Variants in KIAA1549 observed in about 807,000 individuals in gnomAD.
KIAA1549 encodes KIAA1549.
KIAA1549 carries 70 observed loss-of-function variants against 156.4 expected under a neutral mutation model. That is an observed-to-expected ratio of 0.45 (90% CI 0.37 to 0.55). The LOEUF is 0.55. KIAA1549 is among the 20% of genes least tolerant of loss of function. KIAA1549 has a pLI of 0.00. For synonymous variants in KIAA1549, 1,103 were observed against 1,066.4 expected (o/e 1.03, Z -0.67); for missense variants, 2,428 against 2,540.9 (o/e 0.96, Z 0.96).
At position 138,832,177 on chromosome 7, in the gene KIAA1549, C is replaced by A. The variant is rs148605725; in HGVS notation, c.*5729G>T. 1 of 192,024 alleles carries A rather than the reference C, an allele frequency of 5.2e-6. No individual in the cohort carries two copies. The highest frequency in any genetic ancestry group is 1.0e-5 in the Non-Finnish European group (1 of 95,794). The allele number at this position is 192,024 out of a possible 1,614,324, so 11.9% of individuals were successfully genotyped here. A position where few individuals can be genotyped will look rare whatever the true frequency, so the allele number is the denominator to read the frequency against. ...AGTCACTCAAAATTTCACCTCTGTC[C>A]CTTTTACCTATTCCTTTTTTTTTTT... On this transcript the variant is annotated 3_prime_UTR_variant, in exon 20 of 20. Transcript: ENST00000422774.
chr7:138,875,907 C>T (rs1198699748), intron 12 of KIAA1549, among the ~76,000 whole-genome samples: 2 of 151,810 alleles, frequency 1.3e-5, no homozygotes, highest in African/African-American at 2.4e-5. Context: ...GCGATCCTCC[C>T]ACCTCAGCCT....
At chr7:138,841,788 C>T (rs1054254388) in intron 18 of KIAA1549, among the ~76,000 whole-genome samples, 21 of 151,782 alleles carry the variant, frequency 1.4e-4, no homozygotes, top group African/African-American at 4.8e-4. Flanking sequence ...GTCTTGAACT[C>T]TTCCTAGCCT....
At position 138,838,063 on chromosome 7, in the gene KIAA1549, G is replaced by A. The variant is rs753733416; in HGVS notation, c.5696C>T (p.Pro1899Leu). 6.3e-7 allele frequency: 1 copy of A among 1,596,360 alleles called. No individual in the cohort carries two copies. Among genetic ancestry groups the A allele is most frequent in the South Asian group, 1.1e-5 (1 of 88,024 alleles). The change falls in exon 20 of 20, where the codon CCC (proline) becomes CTC (leucine). Residue 1899 changes from proline to leucine, a missense_variant. Transcript: ENST00000422774. ...REPSAPSGNL[P>L]HRGLQGPGLG... ...CCCAGGGCCCTGCAGTCCCCGGTGG[G>A]GGAGGTTCCCGGAAGGAGCTGAGGG...
chr7:138,917,938 C>T lies in KIAA1549; in HGVS notation c.1688G>A (p.Ser563Asn). ...VTTAFFSVITSILLDSSFSVI... is the reference protein window; with the variant it reads ...VTTAFFSVITNILLDSSFSVI... ...AGAGAAAGATGAGTCAAGGAGAATGCTGGTGATGACCGAGAAAAATGCAGT... is the reference window on the plus strand; with the variant it reads ...AGAGAAAGATGAGTCAAGGAGAATGTTGGTGATGACCGAGAAAAATGCAGT... Residue 563 changes from serine (S) to asparagine (N), a missense_variant, in exon 2 of 20, where the codon AGC becomes AAC. Physicochemically the swap from Ser to Asn is conservative, Grantham distance 46. Around this residue, in one of 5 missense-constraint regions of KIAA1549, gnomAD observed 893 missense variants for 847.9 expected, o/e 1.05. Coordinates refer to ENST00000422774, the MANE Select transcript of KIAA1549 (RefSeq NM_001164665.2). The T allele has an allele frequency of 6.3e-7, 1 of 1,594,268 alleles. No individual in the cohort carries two copies. Among genetic ancestry groups the T allele is most frequent in the Non-Finnish European group, 8.5e-7 (1 of 1,170,246 alleles).
intron 4 of KIAA1549, 46 bp downstream of exon 4, chr7:138,911,100 T>C (rs775728390): frequency 1.1e-5 from 13 of 1,195,162 alleles, no homozygotes; most frequent in East Asian, 2.7e-5. Context: ...AAAAAAAAAA[T>C]GAAATTCTTT....
chr7:138,877,785 T>C (rs1811129440), intron 12 of KIAA1549, among the ~76,000 whole-genome samples: 1 of 152,230 alleles, frequency 6.6e-6, no homozygotes, highest in South Asian at 2.1e-4. Context: ...AATTCGCTTC[T>C]TTCCTTCACA....
intron 1 of KIAA1549, among the ~76,000 whole-genome samples, chr7:138,930,806 C>T (rs1046117395): frequency 1.3e-5 from 2 of 152,228 alleles, no homozygotes; most frequent in Non-Finnish European, 2.9e-5. Context: ...TGTGGTACTA[C>T]TTTTAATTTC....
chr7:138,905,176 G>T, intron 6 of KIAA1549, 95 bp from the exon 7 acceptor site: 1 of 834,648 alleles, frequency 1.2e-6, no homozygotes, highest in Non-Finnish European at 2.0e-6. Context: ...TTACTATTTA[G>T]CTCTAAATGT....
At chr7:138,871,948 T>C (rs1043326307) in intron 12 of KIAA1549, among the ~76,000 whole-genome samples, 1 of 152,234 alleles carries the variant, frequency 6.6e-6, no homozygotes, top group Non-Finnish European at 1.5e-5. Context: ...AAAAACCTGT[T>C]GCTTGCAGGG....
At chr7:138,946,760 T>C (rs758650642) in intron 1 of KIAA1549, among the ~76,000 whole-genome samples, 10 of 152,116 alleles carry the variant, frequency 6.6e-5, no homozygotes, top group Non-Finnish European at 1.3e-4. Context: ...GCCTGAGCAA[T>C]GGAGGCATCT....
intron 1 of KIAA1549, among the ~76,000 whole-genome samples, chr7:138,950,639 G>A (rs1171215809): frequency 6.6e-6 from 1 of 152,184 alleles, no homozygotes. Flanking sequence ...TGCTGCAAAA[G>A]GGACGCATCT....
At chr7:138,916,640 C>T (rs1189379827) in intron 2 of KIAA1549, 108 bp downstream of exon 2, 3 of 1,501,674 alleles carry the variant, frequency 2.0e-6, no homozygotes, top group Admixed American at 4.4e-5. Context: ...TTAACTGAGC[C>T]CAGCGCCTCT....
chr7:138,900,123 T>G (rs1811800529), intron 8 of KIAA1549, among the ~76,000 whole-genome samples: 1 of 152,174 alleles, frequency 6.6e-6, no homozygotes, highest in African/African-American at 2.4e-5. Flanking sequence ...CACGTATGGG[T>G]TTGTAACACT....
At chr7:138,911,028 T>G in intron 4 of KIAA1549, 118 bp downstream of exon 4, 1 of 820,542 alleles carries the variant, frequency 1.2e-6, no homozygotes, top group South Asian at 2.1e-5. Context: ...TGAGATCCTG[T>G]CTCTAAAAAT....
chr7:138,960,183 C>G (rs905310832), intron 1 of KIAA1549, among the ~76,000 whole-genome samples: 5 of 152,074 alleles, frequency 3.3e-5, no homozygotes, highest in African/African-American at 1.2e-4. Context: ...CACCTGTCAT[C>G]CCAGCACTTT....
rs552374870 is a variant in KIAA1549 at position 138,940,629 on chromosome 7, C to T, written c.188-21191G>A. ...TGGTTGAACTAGTTTACAGTCACAA[C>T]AACAGTGTAAAAGTGTTCCTATTTC... is the stretch of plus-strand genomic sequence containing the variant. On this transcript the variant is annotated intron_variant, in intron 1 of 19. Coordinates refer to ENST00000422774, the MANE Select transcript of KIAA1549 (RefSeq NM_001164665.2). Among the ~76,000 whole-genome samples the T allele has an allele frequency of 4.0e-3, 602 of 152,184 alleles. 5 individuals are homozygous for T. Among genetic ancestry groups the T allele is most frequent in the African/African-American group, 0.014 (563 of 41,492 alleles).
chr7:138,920,742 A>G (rs1011840250), intron 1 of KIAA1549, among the ~76,000 whole-genome samples: 1 of 152,236 alleles, frequency 6.6e-6, no homozygotes, highest in African/African-American at 2.4e-5. Context: ...ATCAAAATGC[A>G]TAACAACACC....
chr7:138,950,778 C>T (rs1001707499), intron 1 of KIAA1549, among the ~76,000 whole-genome samples: 1 of 152,144 alleles, frequency 6.6e-6, no homozygotes, highest in Admixed American at 6.5e-5. Flanking sequence ...GGCTCCAGGA[C>T]TCTGGATCTC....
At chr7:138,856,106 AC>A (rs1441745868) in intron 16 of KIAA1549, among the ~76,000 whole-genome samples, 1 of 148,856 alleles carries the variant, frequency 6.7e-6, no homozygotes, top group Non-Finnish European at 1.5e-5. Flanking sequence ...ATCTCAGCTC[AC>A]TGCAAGCTCC....
Sources: gnomAD v4.1 joint callset for allele counts (sites outside exome capture counted in the v4.1 genomes callset) on GRCh38, gnomAD v4.1.1 for gene constraint, gnomAD v4.1.1 regional missense constraint, MANE v1.5 for transcripts, NCBI Gene and HGNC (gene_info 2026-07-23, HGNC 2026-07-21) for gene names.